ADGRL3: variants seen among roughly 807,000 people sequenced by gnomAD.
ADGRL3 encodes adhesion G protein-coupled receptor L3.
Under a neutral mutation model 153.5 loss-of-function variants are expected in ADGRL3, and 62 were observed. The observed-to-expected ratio is 0.40, with a 90% CI of 0.33 to 0.50. The LOEUF is 0.50. ADGRL3 is among the 20% of genes least tolerant of loss of function. The pLI, the probability that ADGRL3 is intolerant of heterozygous loss-of-function variation, is 0.47. For synonymous variants in ADGRL3, 710 were observed against 672.5 expected, an observed-to-expected ratio of 1.06 and a Z score of -0.86; for missense variants, 1,641 against 1,859.4, an observed-to-expected ratio of 0.88 and a Z score of 2.16.
At chr4:62,068,902 A>T (rs1230037013) in intron 26 of ADGRL3, among the ~76,000 whole-genome samples, 1 of 152,186 alleles carries the variant, frequency 6.6e-6, no homozygotes, top group Non-Finnish European at 1.5e-5. Flanking sequence ...CTAGTAATGA[A>T]CTAGTTGAGT....
chr4:62,037,993 G>C, intron 24 of ADGRL3, 137 bp downstream of exon 24: 1 of 898,244 alleles, frequency 1.1e-6, no homozygotes, highest in Non-Finnish European at 1.7e-6. Flanking sequence ...ACATGGGAAT[G>C]ATTCTGACAG....
intron 9 of ADGRL3, among the ~76,000 whole-genome samples, chr4:61,880,092 G>GTGCT (rs78260820): frequency 0.034 from 5,103 of 152,230 alleles, 106 homozygotes; most frequent in Middle Eastern, 0.061. Flanking sequence ...AAATAAAGTG[G>GTGCT]TGCATAAGTG....
chr4:61,720,246 C>A (rs557113114), intron 6 of ADGRL3, among the ~76,000 whole-genome samples: 1 of 151,840 alleles, frequency 6.6e-6, no homozygotes, highest in South Asian at 2.1e-4. Context: ...CCCACCACCA[C>A]GCCCAGTTAA....
chr4:61,747,512 ATCAAGTGGGCT>A (rs2096682826), intron 8 of ADGRL3, among the ~76,000 whole-genome samples: 1 of 146,956 alleles, frequency 6.8e-6, no homozygotes. Context: ...ATCCACCATG[ATCAAGTGGGCT>A]TCATCCCTGG....
At chr4:61,884,516 CCTTA>C (rs1182390306) in intron 9 of ADGRL3, among the ~76,000 whole-genome samples, 4 of 152,106 alleles carry the variant, frequency 2.6e-5, no homozygotes, top group Non-Finnish European at 4.4e-5. Flanking sequence ...GGTCCTGAAT[CCTTA>C]CTTAGGGGAT....
At chr4:61,810,604 A>G (rs535014113) in intron 8 of ADGRL3, among the ~76,000 whole-genome samples, 2 of 152,270 alleles carry the variant, frequency 1.3e-5, no homozygotes, top group South Asian at 4.1e-4. Flanking sequence ...TAGAAATTAA[A>G]TGAAAGTTGG....
intron 2 of ADGRL3, among the ~76,000 whole-genome samples, chr4:61,490,324 A>ATTCTCTTCCTCATTGTTTCC (rs1243355338): frequency 3.3e-5 from 5 of 151,320 alleles, no homozygotes; most frequent in South Asian, 2.1e-4. Flanking sequence ...TCTCATCTTC[A>ATTCTCTTCCTCATTGTTTCC]TTCTCTTCCT....
At chr4:61,742,426 C>T (rs890479661) in intron 8 of ADGRL3, among the ~76,000 whole-genome samples, 1 of 151,926 alleles carries the variant, frequency 6.6e-6, no homozygotes, top group Non-Finnish European at 1.5e-5. Flanking sequence ...CTACAGGCGC[C>T]CGCCACCACG....
At position 61,798,725 on chromosome 4, in the gene ADGRL3, C is replaced by T. The variant is rs548920835; in HGVS notation, c.1400-15084C>T. 5.4e-3 allele frequency among the ~76,000 whole-genome samples: 817 copies of T among 151,682 alleles called. 7 individuals are homozygous for T. The highest frequency in any genetic ancestry group is 0.017 in the South Asian group (84 of 4,822). ...CTCCGCCTCCTGGGTTCCAGGGATT[C>T]TCCTGCCTTAGCCTCCCGAGTGGCT... On this transcript the variant is annotated intron_variant, in intron 8 of 26. Transcript: ENST00000683033.
At chr4:61,639,861 T>C (rs2093588854) in intron 5 of ADGRL3, among the ~76,000 whole-genome samples, 1 of 152,146 alleles carries the variant, frequency 6.6e-6, no homozygotes, top group Non-Finnish European at 1.5e-5. Context: ...GAATTTAGTA[T>C]CTAGATTTCT....
rs560426121 is a variant in ADGRL3 at position 61,673,993 on chromosome 4, A to G, written c.474-2833A>G. ...ATTAATTAGAAGGCTTTCTTGACTC[A>G]TCTTCGGTTAATATTAAATAATCTA... On this transcript the variant is annotated intron_variant, in intron 5 of 26. Coordinates refer to ENST00000683033, the MANE Select transcript of ADGRL3 (RefSeq NM_001387552.1). Among the ~76,000 whole-genome samples the G allele has an allele frequency of 2.0e-5, 3 of 151,458 alleles. No homozygotes were observed. In the East Asian group the frequency reaches 5.8e-4, roughly 29 times the overall value.
intron 2 of ADGRL3, among the ~76,000 whole-genome samples, chr4:61,410,381 C>T (rs2097070721): frequency 1.3e-5 from 2 of 151,930 alleles, no homozygotes; most frequent in Admixed American, 1.3e-4. Context: ...CTCTTTACTT[C>T]AGTATGTATT....
At chr4:61,343,920 G>A (rs893364566) in intron 1 of ADGRL3, among the ~76,000 whole-genome samples, 1 of 152,088 alleles carries the variant, frequency 6.6e-6, no homozygotes, top group African/African-American at 2.4e-5. Context: ...TTTCAATTTT[G>A]TGATTCTATA....
intron 2 of ADGRL3, among the ~76,000 whole-genome samples, chr4:61,407,176 G>T (rs1199211010): frequency 1.3e-5 from 2 of 151,888 alleles, no homozygotes; most frequent in Non-Finnish European, 2.9e-5. Context: ...TTATAATTTT[G>T]CAGATTTCAT....
chr4:61,523,860 A>G (rs941972841), intron 4 of ADGRL3, among the ~76,000 whole-genome samples: 3 of 152,106 alleles, frequency 2.0e-5, no homozygotes, highest in African/African-American at 7.2e-5. Flanking sequence ...AGCTTTTCAA[A>G]ATACTTACAG....
intron 11 of ADGRL3, among the ~76,000 whole-genome samples, chr4:61,900,985 C>T (rs2098661518): frequency 6.6e-6 from 1 of 152,068 alleles, no homozygotes. Flanking sequence ...AGCTTGCACT[C>T]AGTTTTTCAA....
At chr4:62,006,240 T>G (rs1168931971) in intron 21 of ADGRL3, among the ~76,000 whole-genome samples, 1 of 151,648 alleles carries the variant, frequency 6.6e-6, no homozygotes, top group Non-Finnish European at 1.5e-5. Flanking sequence ...TTCACCAAGT[T>G]GGCCAGACTG....
rs888741385 is a variant in ADGRL3 at position 62,076,055 on chromosome 4, A to C, written c.*5147A>C. On this transcript the variant is annotated 3_prime_UTR_variant, in exon 27 of 27. Coordinates refer to ENST00000683033, the MANE Select transcript of ADGRL3 (RefSeq NM_001387552.1). The stretch of plus-strand genomic sequence containing the variant: ...ATTCCATTTATTTACAGCCTGCAGA[A>C]GAAGTAGCTTGTTTACGATATTTAA... 10 of 152,276 alleles carry C rather than the reference A, an allele frequency of 6.6e-5. No homozygotes were observed. Among genetic ancestry groups the C allele is most frequent in the African/African-American group, 2.4e-4 (10 of 41,586 alleles). 9.4% of individuals were successfully genotyped at this position (152,276 alleles called of 1,614,324 possible). A position where few individuals can be genotyped will look rare whatever the true frequency, so the allele number is the denominator to read the frequency against.
chr4:61,986,738 G>A (rs77480881), intron 19 of ADGRL3, among the ~76,000 whole-genome samples: 93 of 152,264 alleles, frequency 6.1e-4, no homozygotes, highest in African/African-American at 2.1e-3. Flanking sequence ...TTATATCACA[G>A]GGGGGCATAA....
Sources: allele counts gnomAD v4.1 joint callset (sites outside exome capture counted in the v4.1 genomes callset), GRCh38; gene constraint gnomAD v4.1.1; transcripts MANE v1.5; gene names NCBI Gene and HGNC (gene_info 2026-07-23, HGNC 2026-07-21).